Variants in FER observed in about 807,000 individuals in gnomAD.
FER encodes the protein tyrosine-protein kinase Fer.
Under a neutral mutation model 111.0 loss-of-function variants are expected in FER, and 63 were observed. That is an observed-to-expected ratio of 0.57 (90% CI 0.46 to 0.70). The LOEUF is 0.70. Among genes scored for constraint, FER ranks in the 30% least tolerant of loss-of-function variants. The probability of loss-of-function intolerance (pLI) is 0.00; values close to 1 mark genes in which losing one functional copy is unlikely to be tolerated. For synonymous variants in FER, 327 were observed against 313.9 expected (o/e 1.04, Z -0.44); for missense variants, 914 against 954.0 (o/e 0.96, Z 0.55).
Position 108,867,750 on chromosome 5 carries a change from G to GTT in FER, c.482-5_482-4dup, listed in dbSNP as rs34195313. 9.9e-3 allele frequency: 14,632 copies of GTT among 1,473,686 alleles called. No individual in the cohort carries two copies. The highest frequency in any genetic ancestry group is 0.018 in the South Asian group (1,460 of 79,096). The allele number at this position is 1,473,686 out of a possible 1,614,324, so 91.3% of individuals were successfully genotyped here. ...CTTATCTCTTTACTAACTTTCTTCA[G>GTT]TTTTTTTTTTTTTCAGGGAAGGAAA... On this transcript the variant is annotated splice_polypyrimidine_tract_variant and intron_variant, in intron 5 of 19. Coordinates refer to ENST00000281092, the MANE Select transcript of FER (RefSeq NM_005246.4).
At position 108,897,736 on chromosome 5, in the gene FER, CA is replaced by C; in HGVS notation, c.1127del (p.Lys376SerfsTer9). ...QSVQQLRCTE[A>X]KFSAQKELLE... Reference sequence around the variant, plus strand: ...GTCCAGCAGCTGAGATGCACTGAAGCAAAGTTTTCAGCACAGAAGGAATTAC... The same window carrying C: ...GTCCAGCAGCTGAGATGCACTGAAGCAAGTTTTCAGCACAGAAGGAATTAC... On this transcript the variant is annotated frameshift_variant, in exon 10 of 20. Coordinates refer to ENST00000281092, the MANE Select transcript of FER (RefSeq NM_005246.4). LOFTEE classifies it high-confidence loss of function. The C allele has an allele frequency of 6.2e-7, 1 of 1,613,288 alleles. No homozygotes were observed.
chr5:108,871,242 G>T, intron 6 of FER, 123 bp from the exon 7 acceptor site: 1 of 707,892 alleles, frequency 1.4e-6, no homozygotes, highest in Non-Finnish European at 2.3e-6. Flanking sequence ...AGGTGGTACA[G>T]GAAACAACCA....
At chr5:109,037,059 C>A (rs1770506082) in intron 13 of FER, among the ~76,000 whole-genome samples, 1 of 152,000 alleles carries the variant, frequency 6.6e-6, no homozygotes, top group African/African-American at 2.4e-5. Flanking sequence ...GAAAATTTTA[C>A]ATTGTAAAAT....
At chr5:108,861,581 A>C (rs1351225675) in intron 5 of FER, among the ~76,000 whole-genome samples, 1 of 152,166 alleles carries the variant, frequency 6.6e-6, no homozygotes, top group Non-Finnish European at 1.5e-5. Context: ...AGAAAAAAGA[A>C]AAAAAGCACA....
chr5:108,924,274 C>A (rs1280249644), intron 10 of FER, among the ~76,000 whole-genome samples: 2 of 149,494 alleles, frequency 1.3e-5, no homozygotes, highest in Admixed American at 6.7e-5. Context: ...GCAGGATAAT[C>A]ACTTGAACCC....
intron 17 of FER, among the ~76,000 whole-genome samples, chr5:109,126,206 A>T (rs1342080691): frequency 1.3e-5 from 2 of 152,194 alleles, no homozygotes; most frequent in African/African-American, 2.4e-5. Context: ...CTGCTTAGGC[A>T]CTTCCTTTCC....
At chr5:109,046,825 G>A (rs1272110114) in intron 15 of FER, among the ~76,000 whole-genome samples, 2 of 152,108 alleles carry the variant, frequency 1.3e-5, no homozygotes, top group Admixed American at 6.5e-5. Context: ...AAGAGGGTGC[G>A]TGTAGGTTGT....
At chr5:108,832,601 C>T (rs962976060) in intron 3 of FER, among the ~76,000 whole-genome samples, 169 bp from the exon 4 acceptor site, 20 of 152,128 alleles carry the variant, frequency 1.3e-4, no homozygotes, top group East Asian at 5.8e-4. Context: ...AAGTTGAAGA[C>T]GTTAAATATG....
intron 13 of FER, among the ~76,000 whole-genome samples, chr5:108,986,201 TTTC>T (rs1484056189): frequency 1.3e-5 from 2 of 152,204 alleles, no homozygotes; most frequent in Admixed American, 1.3e-4. Flanking sequence ...ATGTTGAGCA[TTTC>T]ATCAAATATT....
At chr5:109,017,988 C>G (rs1016754713) in intron 13 of FER, among the ~76,000 whole-genome samples, 1 of 151,690 alleles carries the variant, frequency 6.6e-6, no homozygotes, top group Non-Finnish European at 1.5e-5. Flanking sequence ...TTTTAAAAAC[C>G]CTATTTTCTA....
chr5:108,933,855 T>C (rs1053693554), intron 10 of FER, among the ~76,000 whole-genome samples: 11 of 152,304 alleles, frequency 7.2e-5, no homozygotes, highest in African/African-American at 2.6e-4. Flanking sequence ...TATTTTATTC[T>C]CTCTGTAGCA....
At chr5:108,904,520 T>C (rs552264506) in intron 10 of FER, among the ~76,000 whole-genome samples, 1 of 152,280 alleles carries the variant, frequency 6.6e-6, no homozygotes, top group East Asian at 1.9e-4. Context: ...TGAGAAGTAA[T>C]GGGCAGTTAG....
intron 9 of FER, chr5:108,894,630 G>C: frequency 3.0e-6 from 1 of 327,948 alleles, no homozygotes; most frequent in East Asian, 7.4e-5. Context: ...ATAGAAGAGC[G>C]TGGTGCTGGT....
At chr5:108,849,888 A>C (rs918823840) in intron 5 of FER, among the ~76,000 whole-genome samples, 3 of 152,160 alleles carry the variant, frequency 2.0e-5, no homozygotes, top group Non-Finnish European at 4.4e-5. Context: ...AAATGATGGA[A>C]GTTTAAAAAT....
intron 9 of FER, among the ~76,000 whole-genome samples, chr5:108,890,989 G>A (rs981296718): frequency 6.6e-6 from 1 of 152,084 alleles, no homozygotes. Context: ...CATCAGCAAT[G>A]TGTGAGTGAT....
intron 17 of FER, among the ~76,000 whole-genome samples, chr5:109,176,598 A>G (rs533387946): frequency 3.3e-5 from 5 of 152,308 alleles, no homozygotes; most frequent in East Asian, 1.9e-4. Context: ...AATTTATTCT[A>G]TATTCTCAAG....
chr5:108,775,716 C>T (rs1029627698), intron 2 of FER, among the ~76,000 whole-genome samples: 1 of 152,004 alleles, frequency 6.6e-6, no homozygotes, highest in African/African-American at 2.4e-5. Flanking sequence ...AGAACCAACA[C>T]TTTCAAATTA....
At chr5:108,880,732 T>C (rs1372163661) in intron 8 of FER, among the ~76,000 whole-genome samples, 1 of 151,988 alleles carries the variant, frequency 6.6e-6, no homozygotes, top group African/African-American at 2.4e-5. Context: ...TATGAATATA[T>C]ATATATGATT....
chr5:109,092,510 T>A (rs536368951), intron 16 of FER, among the ~76,000 whole-genome samples: 179 of 152,164 alleles, frequency 1.2e-3, no homozygotes, highest in Non-Finnish European at 2.1e-3. Context: ...ATTGAAAGAT[T>A]TTCTGTATAA....
Sources: allele counts gnomAD v4.1 joint callset (sites outside exome capture counted in the v4.1 genomes callset), GRCh38; gene constraint gnomAD v4.1.1; transcripts MANE v1.5; gene names NCBI Gene and HGNC (gene_info 2026-07-23, HGNC 2026-07-21).